The following FGD6 variants were observed in gnomAD, a reference collection of about 807,000 sequenced individuals.
FGD6 encodes FYVE, RhoGEF and PH domain-containing protein 6.
In FGD6, 90 loss-of-function variants were observed where a neutral mutation model predicts 149.4. The ratio of observed to expected loss-of-function variants is 0.60; its 90% CI spans 0.51 to 0.72. FGD6 has a LOEUF of 0.72. Ranked by LOEUF, FGD6 falls within the 30% of genes least tolerant of loss-of-function variation. The pLI is 0.00. For missense variants in FGD6, 1,437 were observed against 1,684.8 expected, an observed-to-expected ratio of 0.85 and a Z score of 2.57; for synonymous variants, 527 against 584.0, an observed-to-expected ratio of 0.90 and a Z score of 1.41.
At chr12:95,178,017 T>C (rs1881182219) in intron 2 of FGD6, among the ~76,000 whole-genome samples, 1 of 151,902 alleles carries the variant, frequency 6.6e-6, no homozygotes, top group African/African-American at 2.4e-5. Flanking sequence ...CCTCCTGCCT[T>C]GGCCTCCCAA....
intron 14 of FGD6, among the ~76,000 whole-genome samples, chr12:95,100,190 T>C (rs1878378275): frequency 6.6e-6 from 1 of 152,150 alleles, no homozygotes; most frequent in Non-Finnish European, 1.5e-5. Flanking sequence ...CTGATTATTA[T>C]GTATCTCCCA....
Position 95,208,948 on chromosome 12 carries a change from T to C in FGD6, c.2336A>G (p.Asn779Ser). 1 of 1,614,176 alleles carries C rather than the reference T, an allele frequency of 6.2e-7. No homozygotes were observed. Among genetic ancestry groups the C allele is most frequent in the Non-Finnish European group, 8.5e-7 (1 of 1,180,018 alleles). ...ATCAGCGTCCTCCATGCTGCTGGAATTCTGCCATTCCAACTCTTGAGTTTT... is the reference window on the plus strand; with the variant it reads ...ATCAGCGTCCTCCATGCTGCTGGAACTCTGCCATTCCAACTCTTGAGTTTT... ...IRKTQELEWQ[N>S]SSSMEDADAN... Residue 779 changes from asparagine (N) to serine (S), a missense_variant, in exon 2 of 21, where the codon AAT becomes AGT. Physicochemically the swap from Asn to Ser is conservative, Grantham distance 46. Transcript: ENST00000343958.
chr12:95,208,510 T>C (rs2056704501), intron 2 of FGD6, among the ~76,000 whole-genome samples: 1 of 152,068 alleles, frequency 6.6e-6, no homozygotes, highest in Non-Finnish European at 1.5e-5. Context: ...AATTGGCCAA[T>C]TTCCTGCCCC....
chr12:95,101,414 G>A (rs537531655), intron 14 of FGD6, among the ~76,000 whole-genome samples: 3 of 152,126 alleles, frequency 2.0e-5, no homozygotes, highest in South Asian at 4.2e-4. Context: ...GTACTGATCT[G>A]GAAATCATGA....
intron 3 of FGD6, among the ~76,000 whole-genome samples, chr12:95,167,660 C>T (rs957910786): frequency 4.7e-5 from 7 of 147,444 alleles, no homozygotes; most frequent in African/African-American, 1.5e-4. Flanking sequence ...CTGCAACCTC[C>T]GCAACCCGGG....
Position 95,208,919 on chromosome 12 carries a change from T to C in FGD6, c.2365A>G (p.Asn789Asp), listed in dbSNP as rs1431896457. Residue 789 changes from asparagine to aspartate, a missense_variant, in exon 2 of 21, where the codon AAT (asparagine) becomes GAT (aspartate). Transcript: ENST00000343958. The part of the protein sequence containing the change: ...NSSSMEDADA[N>D]VYEVEEPYEA... Reference sequence around the variant, plus strand: ...TACGGCTCTTCTACCTCATACACATTTGCATCAGCGTCCTCCATGCTGCTG... The same window carrying C: ...TACGGCTCTTCTACCTCATACACATCTGCATCAGCGTCCTCCATGCTGCTG... The C allele has an allele frequency of 2.5e-6, 4 of 1,614,020 alleles. No individual in the cohort carries two copies. Among genetic ancestry groups the C allele is most frequent in the Admixed American group, 1.7e-5 (1 of 59,984 alleles).
chr12:95,112,745 C>T (rs967264020), intron 9 of FGD6, among the ~76,000 whole-genome samples: 3 of 152,182 alleles, frequency 2.0e-5, no homozygotes, highest in South Asian at 4.1e-4. Context: ...GAGAGAGACA[C>T]AGGCACACAG....
In FGD6 at chr12:95,172,547, A is replaced by G. The variant is rs970851037; in HGVS notation, c.2586+53T>C. ...TTCTGTGCCTATTATGCAGACAAAT[A>G]TCATTCCCAAGCATAGGGAGAGGTC... On this transcript the variant is annotated intron_variant, in intron 3 of 20. Transcript: ENST00000343958. The G allele has an allele frequency of 2.6e-5, 38 of 1,460,630 alleles. No homozygotes were observed. In the Admixed American group the frequency reaches 3.7e-4, roughly 14 times the overall value. The allele number at this position is 1,460,630 out of a possible 1,614,324, so 90.5% of individuals were successfully genotyped here. A position where few individuals can be genotyped will look rare whatever the true frequency, so the allele number is the denominator to read the frequency against.
At chr12:95,141,918 G>T (rs1030695885) in intron 5 of FGD6, among the ~76,000 whole-genome samples, 2 of 151,998 alleles carry the variant, frequency 1.3e-5, no homozygotes. Flanking sequence ...GTTCCCAGGA[G>T]ATCTTAGCTA....
At chr12:95,110,544 C>T (rs12372093) in intron 9 of FGD6, among the ~76,000 whole-genome samples, 134,155 of 151,720 alleles carry the variant, frequency 0.88, 59,681 homozygotes, top group East Asian at 0.97. Flanking sequence ...TTAGTAGAGA[C>T]GGGGTTTCGC....
intron 14 of FGD6, among the ~76,000 whole-genome samples, chr12:95,103,955 T>C (rs573351061): frequency 1.4e-4 from 22 of 152,306 alleles, no homozygotes; most frequent in Admixed American, 5.9e-4. Flanking sequence ...TAGAAGGAGA[T>C]TACACCTACC....
Position 95,209,315 on chromosome 12 carries a change from T to C in FGD6, c.1969A>G (p.Thr657Ala), listed in dbSNP as rs537515722. 2 of 1,613,820 alleles carry C rather than the reference T, an allele frequency of 1.2e-6. No individual in the cohort carries two copies. The highest frequency in any genetic ancestry group is 2.2e-5 in the East Asian group (1 of 44,886). ...CCACTGGAGAGGTGGCCTGTGGTGG[T>C]GTCTCCGAGTTGGCTACTCTTGGAC... The part of the protein sequence containing the change: ...FWSKSSQLGD[T>A]TTGHLSSGEQ... Residue 657 changes from threonine (T) to alanine (A), a missense_variant, in exon 2 of 21, where the codon ACC becomes GCC. By Grantham distance (58) the Thr-to-Ala change is moderately conservative. Coordinates refer to ENST00000343958, the MANE Select transcript of FGD6 (RefSeq NM_018351.4).
At chr12:95,158,013 A>T (rs888951983) in intron 3 of FGD6, among the ~76,000 whole-genome samples, 1 of 151,620 alleles carries the variant, frequency 6.6e-6, no homozygotes, top group Non-Finnish European at 1.5e-5. Context: ...ACACTCAGCT[A>T]ATTTTTGTAT....
At chr12:95,178,476 T>C (rs1323559408) in intron 2 of FGD6, among the ~76,000 whole-genome samples, 1 of 152,198 alleles carries the variant, frequency 6.6e-6, no homozygotes, top group African/African-American at 2.4e-5. Flanking sequence ...AATGCTTCAG[T>C]AATACGTAAG....
Position 95,170,706 on chromosome 12 carries a change from A to T in FGD6, c.2586+1894T>A, listed in dbSNP as rs141959177. Reference sequence around the variant, plus strand: ...TGAGTACTGCTTATCTCTAGTAAATACCAGTGGTACCTGGAACATAGTGCA... The same window carrying T: ...TGAGTACTGCTTATCTCTAGTAAATTCCAGTGGTACCTGGAACATAGTGCA... On this transcript the variant is annotated intron_variant, in intron 3 of 20. Coordinates refer to ENST00000343958, the MANE Select transcript of FGD6 (RefSeq NM_018351.4). Among the ~76,000 whole-genome samples, 161 of 152,314 alleles carry T rather than the reference A, an allele frequency of 1.1e-3. 2 individuals carry two copies. The highest frequency in any genetic ancestry group is 3.8e-3 in the African/African-American group (158 of 41,574).
intron 18 of FGD6, among the ~76,000 whole-genome samples, chr12:95,087,299 C>A (rs1434136284): frequency 6.6e-6 from 1 of 152,196 alleles, no homozygotes; most frequent in African/African-American, 2.4e-5. Flanking sequence ...TCTCCTCCCC[C>A]TGAGTGTGGA....
At chr12:95,188,113 T>C (rs182286119) in intron 2 of FGD6, among the ~76,000 whole-genome samples, 27 of 152,336 alleles carry the variant, frequency 1.8e-4, no homozygotes, top group African/African-American at 6.3e-4. Flanking sequence ...GCAATAAAGT[T>C]GCTGATTTCT....
rs762494403 is a variant in FGD6 at position 95,108,449 on chromosome 12, G to A, written c.3193-30C>T. On this transcript the variant is annotated intron_variant, in intron 10 of 20. Transcript: ENST00000343958. ...AGAAAGACAATGGAAAGCATATGAA[G>A]GCCTGGGCTTTCAGGTTCAAGACCA... 1.4e-5 allele frequency: 23 copies of A among 1,613,420 alleles called. 1 individual carries two copies. In the Admixed American group the frequency reaches 3.8e-4, roughly 27 times the overall value.
At chr12:95,181,710 T>C (rs180803636) in intron 2 of FGD6, among the ~76,000 whole-genome samples, 2 of 152,248 alleles carry the variant, frequency 1.3e-5, no homozygotes, top group Non-Finnish European at 2.9e-5. Context: ...TCCCAACACT[T>C]TGGGAGGCTG....
Sources: gnomAD v4.1 joint callset for allele counts (sites outside exome capture counted in the v4.1 genomes callset) on GRCh38, gnomAD v4.1.1 for gene constraint, MANE v1.5 for transcripts, NCBI Gene and HGNC (gene_info 2026-07-23, HGNC 2026-07-21) for gene names.